Variants in PRDM6 observed in about 807,000 individuals in gnomAD.
PRDM6 encodes the protein putative histone-lysine N-methyltransferase PRDM6.
In PRDM6, 25 loss-of-function variants were observed where a neutral mutation model predicts 60.8. The observed-to-expected ratio is 0.41, with a 90% CI of 0.30 to 0.57. PRDM6 has a LOEUF of 0.57. Ranked by LOEUF, PRDM6 falls within the 20% of genes least tolerant of loss-of-function variation. PRDM6 has a pLI of 0.27. For synonymous variants in PRDM6, 407 were observed against 357.4 expected (o/e 1.14, Z -1.57); for missense variants, 839 against 821.3 (o/e 1.02, Z -0.26).
intron 3 of PRDM6, among the ~76,000 whole-genome samples, chr5:123,144,207 G>A (rs796552990): frequency 2.0e-5 from 3 of 152,278 alleles, no homozygotes; most frequent in African/African-American, 7.2e-5. Context: ...CTGTGCTCCT[G>A]TACTAGGACA....
intron 3 of PRDM6, among the ~76,000 whole-genome samples, chr5:123,130,752 A>T (rs1764814182): frequency 6.6e-6 from 1 of 152,100 alleles, no homozygotes; most frequent in Admixed American, 6.5e-5. Flanking sequence ...TTTTTAATAG[A>T]GACAGGGTTT....
chr5:123,095,605 G>A (rs1031392928), intron 2 of PRDM6, among the ~76,000 whole-genome samples: 1 of 152,242 alleles, frequency 6.6e-6, no homozygotes, highest in African/African-American at 2.4e-5. Context: ...GTCTCGGCCT[G>A]CGAGACTGAG....
At chr5:123,147,160 C>A (rs1474847152) in intron 3 of PRDM6, among the ~76,000 whole-genome samples, 1 of 151,858 alleles carries the variant, frequency 6.6e-6, no homozygotes, top group African/African-American at 2.4e-5. Flanking sequence ...GTCAAGAATT[C>A]TTGTTGACTG....
chr5:123,112,278 C>T (rs562565951), intron 3 of PRDM6, among the ~76,000 whole-genome samples: 15 of 152,210 alleles, frequency 9.9e-5, no homozygotes, highest in Non-Finnish European at 1.9e-4. Flanking sequence ...AAGCTCTTAG[C>T]AGTGCTGCAT....
At chr5:123,132,112 C>T (rs73296910) in intron 3 of PRDM6, among the ~76,000 whole-genome samples, 4,922 of 152,198 alleles carry the variant, frequency 0.032, 276 homozygotes, top group African/African-American at 0.11. Flanking sequence ...CCCCTTCTGA[C>T]GTATGTGCCC....
chr5:123,098,179 G>A (rs1241677747), intron 2 of PRDM6, among the ~76,000 whole-genome samples: 1 of 152,246 alleles, frequency 6.6e-6, no homozygotes, highest in Non-Finnish European at 1.5e-5. Flanking sequence ...CAACAGGCCT[G>A]GCTGCGGCCA....
At chr5:123,155,769 G>A in intron 3 of PRDM6, 115 bp from the exon 4 acceptor site, 2 of 1,207,682 alleles carry the variant, frequency 1.7e-6, no homozygotes, top group Non-Finnish European at 2.3e-6. Context: ...ATAAGCACTA[G>A]CAAACCTAAG....
chr5:123,162,518 A>T (rs1765658184), intron 5 of PRDM6, among the ~76,000 whole-genome samples: 1 of 152,220 alleles, frequency 6.6e-6, no homozygotes, highest in African/African-American at 2.4e-5. Flanking sequence ...TAGCACCTGA[A>T]GTCCTTGAAA....
At chr5:123,097,029 A>C (rs1000953991) in intron 2 of PRDM6, among the ~76,000 whole-genome samples, 1 of 152,158 alleles carries the variant, frequency 6.6e-6, no homozygotes, top group Non-Finnish European at 1.5e-5. Flanking sequence ...CATTGAGTCA[A>C]GCAGAAAAAA....
At position 123,159,543 on chromosome 5, in the gene PRDM6, A is replaced by C. The variant is rs550841106; in HGVS notation, c.1058A>C (p.Asp353Ala). The change falls in exon 5 of 8, where the codon GAT (aspartate) becomes GCT (alanine). Residue 353 changes from aspartate to alanine, a missense_variant. Physicochemically the swap from Asp to Ala is moderately radical, Grantham distance 126 (BLOSUM62 -2). Transcript: ENST00000407847. ...RSNIFYRACI[D>A]IPRGTELLVW... Reference sequence around the variant, plus strand: ...AATATATTCTACCGAGCCTGTATAGATATCCCTAGGGGCACCGAGCTTCTG... The same window carrying C: ...AATATATTCTACCGAGCCTGTATAGCTATCCCTAGGGGCACCGAGCTTCTG... 60 of 1,551,480 alleles carry C rather than the reference A, an allele frequency of 3.9e-5. 1 individual carries two copies. The South Asian group carries it at 7.0e-4, about 18-fold the overall frequency.
At chr5:123,160,250 A>G (rs1180584566) in intron 5 of PRDM6, among the ~76,000 whole-genome samples, 2 of 152,230 alleles carry the variant, frequency 1.3e-5, no homozygotes, top group African/African-American at 4.8e-5. Context: ...GCCAACCATT[A>G]TCTTTAAAAG....
intron 5 of PRDM6, among the ~76,000 whole-genome samples, chr5:123,162,199 G>T (rs559314047): frequency 6.6e-6 from 1 of 152,110 alleles, no homozygotes; most frequent in Non-Finnish European, 1.5e-5. Context: ...GATCTCTGGC[G>T]TGGGAGACTC....
intron 3 of PRDM6, among the ~76,000 whole-genome samples, chr5:123,136,906 T>C (rs1764969913): frequency 6.6e-6 from 1 of 152,336 alleles, no homozygotes; most frequent in Admixed American, 6.5e-5. Flanking sequence ...CAAGTTTGCA[T>C]TGTGGTTTGG....
Position 123,180,147 on chromosome 5 carries a change from A to G in PRDM6, c.1497A>G (p.Arg499=). The G allele has an allele frequency of 2.6e-6, 4 of 1,546,002 alleles. No homozygotes were observed. In the South Asian group the frequency reaches 4.8e-5, roughly 19 times the overall value. Residue 499 remains arginine (R), a splice_region_variant and synonymous_variant, in exon 7 of 8, where the codon AGA becomes AGG. Transcript: ENST00000407847. ...QMHVCTQNPD[R]PYQCGHCSQS... ...CAGACAGTCTGTTTATTTGTTTCAG[A>G]CCCTACCAATGCGGCCACTGCTCCC...
At chr5:123,119,241 G>A (rs78255833) in intron 3 of PRDM6, among the ~76,000 whole-genome samples, 2,072 of 152,258 alleles carry the variant, frequency 0.014, 14 homozygotes, top group Non-Finnish European at 0.02. Flanking sequence ...GAATGCAAAT[G>A]TTTAAATGAG....
chr5:123,105,470 G>A (rs1469232932), intron 3 of PRDM6, among the ~76,000 whole-genome samples: 1 of 152,120 alleles, frequency 6.6e-6, no homozygotes, highest in African/African-American at 2.4e-5. Flanking sequence ...TATCTATTGT[G>A]TTACCCAGAA....
At chr5:123,124,879 T>C (rs942160063) in intron 3 of PRDM6, among the ~76,000 whole-genome samples, 1 of 152,122 alleles carries the variant, frequency 6.6e-6, no homozygotes, top group South Asian at 2.1e-4. Flanking sequence ...AATAAAGATA[T>C]TCTACATACA....
chr5:123,141,996 A>G (rs562663644), intron 3 of PRDM6, among the ~76,000 whole-genome samples: 1 of 152,242 alleles, frequency 6.6e-6, no homozygotes, highest in South Asian at 2.1e-4. Context: ...AACTGAATTC[A>G]CTTTTAATTA....
intron 3 of PRDM6, among the ~76,000 whole-genome samples, chr5:123,108,467 A>C (rs1017008137): frequency 6.6e-6 from 1 of 152,300 alleles, no homozygotes; most frequent in African/African-American, 2.4e-5. Context: ...TCAAGGTTAG[A>C]ATACAATGCT....
Sources: allele counts gnomAD v4.1 joint callset (sites outside exome capture counted in the v4.1 genomes callset), GRCh38; gene constraint gnomAD v4.1.1; transcripts MANE v1.5; gene names NCBI Gene and HGNC (gene_info 2026-07-23, HGNC 2026-07-21).